DCC: variants seen among roughly 807,000 people sequenced by gnomAD.
DCC encodes the protein netrin receptor DCC.
DCC carries 58 observed loss-of-function variants against 172.5 expected under a neutral mutation model. The ratio of observed to expected loss-of-function variants is 0.34; its 90% CI spans 0.27 to 0.42. The LOEUF (loss-of-function observed/expected upper bound fraction) is 0.42, where lower values mean the gene tolerates loss of function less well. DCC is among the 10% of genes least tolerant of loss of function. The pLI, the probability that DCC is intolerant of heterozygous loss-of-function variation, is 1.00. For missense variants in DCC, 1,740 were observed against 1,791.0 expected, an observed-to-expected ratio of 0.97 and a Z score of 0.51; for synonymous variants, 709 against 644.5, an observed-to-expected ratio of 1.10 and a Z score of -1.52.
intron 2 of DCC, among the ~76,000 whole-genome samples, chr18:52,867,249 A>C (rs1347495115): frequency 6.6e-6 from 1 of 152,214 alleles, no homozygotes; most frequent in Non-Finnish European, 1.5e-5. Flanking sequence ...CTGGTGGATA[A>C]GCTTTTTGAT....
intron 6 of DCC, among the ~76,000 whole-genome samples, chr18:53,064,967 A>T (rs2042546037): frequency 6.6e-6 from 1 of 152,122 alleles, no homozygotes. Flanking sequence ...TCCCAGCATG[A>T]CTCATTACAG....
At chr18:53,469,290 T>C (rs2045666473) in intron 25 of DCC, among the ~76,000 whole-genome samples, 1 of 152,168 alleles carries the variant, frequency 6.6e-6, no homozygotes, top group Non-Finnish European at 1.5e-5. Flanking sequence ...CATTCCCTCA[T>C]AGCTAAATGT....
chr18:53,278,591 G>T (rs1285856785), intron 12 of DCC, among the ~76,000 whole-genome samples: 1 of 152,138 alleles, frequency 6.6e-6, no homozygotes, highest in Non-Finnish European at 1.5e-5. Context: ...ATTTTCAAAA[G>T]CCCTTCAGGA....
intron 7 of DCC, among the ~76,000 whole-genome samples, chr18:53,077,699 C>T (rs2042742450): frequency 6.6e-6 from 1 of 152,120 alleles, no homozygotes; most frequent in Non-Finnish European, 1.5e-5. Flanking sequence ...ACACAGCTAG[C>T]AAAACATCTG....
intron 20 of DCC, among the ~76,000 whole-genome samples, chr18:53,413,718 C>G (rs1022757283): frequency 6.6e-6 from 1 of 152,164 alleles, no homozygotes; most frequent in Admixed American, 6.6e-5. Context: ...GGGTGGTAGT[C>G]TCGTCTTTTT....
intron 1 of DCC, among the ~76,000 whole-genome samples, chr18:52,386,580 G>A (rs1158158040): frequency 6.6e-6 from 1 of 152,008 alleles, no homozygotes; most frequent in Non-Finnish European, 1.5e-5. Flanking sequence ...ATCTTGGAGA[G>A]CCTTGATTTT....
chr18:52,469,348 C>T (rs1478292479), intron 1 of DCC, among the ~76,000 whole-genome samples: 1 of 152,188 alleles, frequency 6.6e-6, no homozygotes, highest in East Asian at 1.9e-4. Flanking sequence ...GCTAGGATTA[C>T]AGGCATGAAC....
intron 12 of DCC, among the ~76,000 whole-genome samples, chr18:53,277,159 T>C (rs2056815516): frequency 6.6e-6 from 1 of 152,160 alleles, no homozygotes; most frequent in African/African-American, 2.4e-5. Flanking sequence ...ATTAATATTG[T>C]GTGCCTCTTT....
chr18:52,666,910 A>G (rs2035467308), intron 1 of DCC, among the ~76,000 whole-genome samples: 1 of 152,210 alleles, frequency 6.6e-6, no homozygotes, highest in Non-Finnish European at 1.5e-5. Context: ...ATGAAAAATA[A>G]TTAAAATTAT....
At position 53,452,422 on chromosome 18, in the gene DCC, G is replaced by A. The variant is rs1032101995; in HGVS notation, c.3392+1760G>A. Reference sequence around the variant, plus strand: ...TCATTTCTGTGAGAAGAATGTTCGAGCATTAGATTGACCTGATGAACTGGA... The same window carrying A: ...TCATTTCTGTGAGAAGAATGTTCGAACATTAGATTGACCTGATGAACTGGA... On this transcript the variant is annotated intron_variant, in intron 23 of 28. Transcript: ENST00000442544. 9.2e-5 allele frequency among the ~76,000 whole-genome samples: 14 copies of A among 152,244 alleles called. No homozygotes were observed. The South Asian group carries it at 2.1e-3, about 23-fold the overall frequency.
intron 2 of DCC, among the ~76,000 whole-genome samples, chr18:52,843,782 C>T (rs1455878705): frequency 6.6e-6 from 1 of 152,086 alleles, no homozygotes; most frequent in African/African-American, 2.4e-5. Context: ...CAAATTTAAC[C>T]CAGTTGTCAG....
intron 1 of DCC, among the ~76,000 whole-genome samples, chr18:52,671,367 C>T (rs141939308): frequency 9.5e-4 from 145 of 152,188 alleles, no homozygotes; most frequent in Non-Finnish European, 1.5e-3. Flanking sequence ...TGCCTCTGCT[C>T]CCTCACCTTG....
chr18:52,546,466 A>C, intron 1 of DCC, among the ~76,000 whole-genome samples: 1 of 152,248 alleles, frequency 6.6e-6, no homozygotes, highest in Non-Finnish European at 1.5e-5. Context: ...CCTCTCTCAG[A>C]CAACACCTAC....
At chr18:52,429,239 C>T (rs1035609664) in intron 1 of DCC, among the ~76,000 whole-genome samples, 1 of 152,002 alleles carries the variant, frequency 6.6e-6, no homozygotes, top group African/African-American at 2.4e-5. Flanking sequence ...TTAGGTGTTA[C>T]TATCACTAAT....
chr18:53,445,234 T>G (rs1912523457), intron 22 of DCC, among the ~76,000 whole-genome samples: 1 of 152,188 alleles, frequency 6.6e-6, no homozygotes, highest in Non-Finnish European at 1.5e-5. Flanking sequence ...CCGTATGAAC[T>G]TTGGTTCAAA....
intron 15 of DCC, among the ~76,000 whole-genome samples, chr18:53,343,224 G>A (rs1341511547): frequency 2.0e-5 from 3 of 151,972 alleles, no homozygotes; most frequent in South Asian, 2.1e-4. Flanking sequence ...AGTGCTGAAA[G>A]CAGGTATCTT....
At chr18:52,640,861 A>G (rs2034876875) in intron 1 of DCC, among the ~76,000 whole-genome samples, 1 of 152,152 alleles carries the variant, frequency 6.6e-6, no homozygotes, top group African/African-American at 2.4e-5. Flanking sequence ...ATTAGAAAAA[A>G]CAATTCTAAA....
Position 53,486,790 on chromosome 18 carries a change from T to G in DCC, c.3737-7T>G. On this transcript the variant is annotated splice_region_variant and splice_polypyrimidine_tract_variant and intron_variant, in intron 25 of 28. Transcript: ENST00000442544. ...TCAAAAAACCCATTAACCTTTTTCT[T>G]TTGCAGCTGTCGTGAGCGCCATCCC... The G allele has an allele frequency of 6.2e-7, 1 of 1,614,154 alleles. No individual in the cohort carries two copies.
intron 15 of DCC, among the ~76,000 whole-genome samples, chr18:53,383,648 G>C (rs1907933148): frequency 6.6e-6 from 1 of 151,360 alleles, no homozygotes; most frequent in Non-Finnish European, 1.5e-5. Context: ...CTGTGTATTA[G>C]GGATGGTTAT....
Sources: gnomAD v4.1 joint callset for allele counts (sites outside exome capture counted in the v4.1 genomes callset) on GRCh38, gnomAD v4.1.1 for gene constraint, MANE v1.5 for transcripts, NCBI Gene and HGNC (gene_info 2026-07-23, HGNC 2026-07-21) for gene names.